The following PTPN5 variants were observed in gnomAD, a reference collection of about 807,000 sequenced individuals.
The protein encoded by PTPN5 is tyrosine-protein phosphatase non-receptor type 5.
In PTPN5, 29 loss-of-function variants were observed where a neutral mutation model predicts 73.9. The ratio of observed to expected loss-of-function variants is 0.39; its 90% CI spans 0.29 to 0.54. PTPN5 has a LOEUF of 0.54. PTPN5 is among the 20% of genes least tolerant of loss of function. The pLI is 0.65. For synonymous variants in PTPN5, 267 were observed against 304.7 expected, an observed-to-expected ratio of 0.88 and a Z score of 1.29; for missense variants, 652 against 751.4, an observed-to-expected ratio of 0.87 and a Z score of 1.55.
chr11:18,771,046 A>G (rs1040521623), intron 2 of PTPN5, among the ~76,000 whole-genome samples: 4 of 152,150 alleles, frequency 2.6e-5, no homozygotes, highest in African/African-American at 9.7e-5. Context: ...TTGCTGAGCC[A>G]ATCAGGGAGC....
At chr11:18,763,435 G>A (rs1337574670) in intron 3 of PTPN5, among the ~76,000 whole-genome samples, 1 of 152,102 alleles carries the variant, frequency 6.6e-6, no homozygotes, top group East Asian at 1.9e-4. Flanking sequence ...AAGCTCCCTG[G>A]GCCTTGGTCC....
In PTPN5 at chr11:18,746,162, A is replaced by AATATATATATATATATAT. The variant is rs773490900; in HGVS notation, c.98-1981_98-1964dup. Among the ~76,000 whole-genome samples, 165 of 67,614 alleles carry AATATATATATATATATAT rather than the reference A, an allele frequency of 2.4e-3. 4 individuals are homozygous for AATATATATATATATATAT. The highest frequency in any genetic ancestry group is 2.7e-3 in the Non-Finnish European group (87 of 32,540). 44.4% of individuals were successfully genotyped at this position (67,614 alleles called of 152,430 possible). On this transcript the variant is annotated intron_variant, in intron 3 of 14. Transcript: ENST00000358540. ...ACTTTGAAAAGCTGTTATAAATATA[A>AATATATATATATATATAT]ATATATATATATATATATATATATA...
At position 18,733,151 on chromosome 11, in the gene PTPN5, T is replaced by C. The variant is rs571685487; in HGVS notation, c.1218+84A>G. 1 of 1,547,012 alleles carries C rather than the reference T, an allele frequency of 6.5e-7. No homozygotes were observed. The highest frequency in any genetic ancestry group is 8.8e-7 in the Non-Finnish European group (1 of 1,140,174). On this transcript the variant is annotated intron_variant, in intron 11 of 14. Coordinates refer to ENST00000358540, the MANE Select transcript of PTPN5 (RefSeq NM_006906.2). The surrounding 1 kb of genome is among the most constrained non-coding windows in gnomAD (Gnocchi z 4.3). The stretch of plus-strand genomic sequence containing the variant: ...GTGAACACCGCCGACCTCTTGAGAT[T>C]GTCATAAAGATTAATTTGAGAACAA...
At chr11:18,776,412 G>C (rs1004589818) in intron 1 of PTPN5, among the ~76,000 whole-genome samples, 1 of 152,058 alleles carries the variant, frequency 6.6e-6, no homozygotes, top group Non-Finnish European at 1.5e-5. Flanking sequence ...TCCGTCTTCT[G>C]TTCTTACCCC....
At chr11:18,759,238 C>T (rs1183221529) in intron 3 of PTPN5, among the ~76,000 whole-genome samples, 1 of 152,226 alleles carries the variant, frequency 6.6e-6, no homozygotes, top group Non-Finnish European at 1.5e-5. Flanking sequence ...TCACTATTAG[C>T]TATCATTTAT....
intron 9 of PTPN5, among the ~76,000 whole-genome samples, 161 bp downstream of exon 9, chr11:18,737,718 AC>A (rs1471309434): frequency 2.0e-5 from 3 of 152,104 alleles, no homozygotes; most frequent in Non-Finnish European, 4.4e-5. Context: ...CTCTGGCCTC[AC>A]CAGGGCAGCG....
intron 3 of PTPN5, among the ~76,000 whole-genome samples, chr11:18,756,899 G>T (rs1850168774): frequency 6.8e-6 from 1 of 146,812 alleles, no homozygotes; most frequent in Non-Finnish European, 1.5e-5. Context: ...ACTCCAGCCT[G>T]AGTGACAGAG....
intron 3 of PTPN5, among the ~76,000 whole-genome samples, chr11:18,755,965 C>G (rs1023745249): frequency 1.5e-4 from 21 of 143,594 alleles, no homozygotes; most frequent in African/African-American, 5.4e-4. Context: ...GATCGTGCCA[C>G]TGCACTCCAG....
intron 1 of PTPN5, among the ~76,000 whole-genome samples, chr11:18,777,734 C>T (rs1851225914): frequency 6.6e-6 from 1 of 152,132 alleles, no homozygotes; most frequent in Non-Finnish European, 1.5e-5. Context: ...TCACTTGGGG[C>T]CATGAGTTCG....
At chr11:18,769,948 C>A (rs1340017309) in intron 2 of PTPN5, among the ~76,000 whole-genome samples, 1 of 152,110 alleles carries the variant, frequency 6.6e-6, no homozygotes, top group Admixed American at 6.5e-5. Context: ...GGGAAGCCCT[C>A]TTCCACTTGA....
At chr11:18,783,148 T>G (rs1851519199) in intron 1 of PTPN5, among the ~76,000 whole-genome samples, 1 of 152,208 alleles carries the variant, frequency 6.6e-6, no homozygotes, top group African/African-American at 2.4e-5. Context: ...CTGAGGTACC[T>G]CAGATGCTGA....
intron 1 of PTPN5, among the ~76,000 whole-genome samples, chr11:18,787,863 A>G (rs1564937694): frequency 6.6e-6 from 1 of 152,232 alleles, no homozygotes; most frequent in Non-Finnish European, 1.5e-5. Context: ...GGGCTAGAAC[A>G]ACCTGGCATG....
At chr11:18,773,853 G>A (rs1005250857) in intron 1 of PTPN5, among the ~76,000 whole-genome samples, 1 of 152,176 alleles carries the variant, frequency 6.6e-6, no homozygotes, top group Non-Finnish European at 1.5e-5. Context: ...GCTGGGGACT[G>A]CCCCCTTGCT....
At chr11:18,773,556 T>C (rs151320773) in intron 1 of PTPN5, among the ~76,000 whole-genome samples, 2,324 of 152,206 alleles carry the variant, frequency 0.015, 57 homozygotes, top group African/African-American at 0.053. Context: ...ATAATCAGTG[T>C]GGTTTCCTTG....
chr11:18,783,434 G>A (rs938741150), intron 1 of PTPN5, among the ~76,000 whole-genome samples: 2 of 152,212 alleles, frequency 1.3e-5, no homozygotes, highest in Non-Finnish European at 2.9e-5. Flanking sequence ...CCCTGCCTTC[G>A]GAAAGCCTTC....
At chr11:18,746,096 A>C (rs1849606040) in intron 3 of PTPN5, among the ~76,000 whole-genome samples, 1 of 145,514 alleles carries the variant, frequency 6.9e-6, no homozygotes, top group Non-Finnish European at 1.5e-5. Flanking sequence ...ACACTCTTTT[A>C]CTCAGTTTTT....
intron 1 of PTPN5, among the ~76,000 whole-genome samples, chr11:18,775,507 A>G (rs1478443016): frequency 1.3e-5 from 2 of 152,152 alleles, no homozygotes; most frequent in Non-Finnish European, 2.9e-5. Flanking sequence ...GCGCGGGACC[A>G]CGACCTCGGG....
chr11:18,731,523 G>A (rs570038166), intron 12 of PTPN5, among the ~76,000 whole-genome samples: 1 of 152,280 alleles, frequency 6.6e-6, no homozygotes, highest in South Asian at 2.1e-4. Flanking sequence ...CATTGAGAAG[G>A]TGAGCAGCCC....
intron 3 of PTPN5, among the ~76,000 whole-genome samples, chr11:18,761,395 G>T (rs1850383829): frequency 6.6e-6 from 1 of 152,166 alleles, no homozygotes; most frequent in African/African-American, 2.4e-5. Context: ...GTGCCACCTG[G>T]TGTCTTGCAA....
Sources: allele counts gnomAD v4.1 joint callset (sites outside exome capture counted in the v4.1 genomes callset), GRCh38; gene constraint gnomAD v4.1.1; non-coding constraint Gnocchi (gnomAD v3.1); transcripts MANE v1.5; gene names NCBI Gene and HGNC (gene_info 2026-07-23, HGNC 2026-07-21).